Variants in MGMT observed in about 807,000 individuals in gnomAD.
MGMT encodes the protein methylated-DNA--protein-cysteine methyltransferase.
MGMT carries 14 observed loss-of-function variants against 15.9 expected under a neutral mutation model. The observed-to-expected ratio is 0.88, with a 90% CI of 0.58 to 1.37. The LOEUF is 1.37. MGMT is among the 40% of genes most tolerant of loss of function. The pLI, the probability that MGMT is intolerant of heterozygous loss-of-function variation, is 0.00. For synonymous variants in MGMT, 130 were observed against 118.2 expected (o/e 1.10, Z -0.65); for missense variants, 282 against 268.1 (o/e 1.05, Z -0.36).
At chr10:129,522,948 C>T (rs1845829534) in intron 1 of MGMT, among the ~76,000 whole-genome samples, 2 of 152,252 alleles carry the variant, frequency 1.3e-5, no homozygotes, top group Non-Finnish European at 2.9e-5. Context: ...TCTAAGAAGT[C>T]AGTGAAACTT....
intron 2 of MGMT, among the ~76,000 whole-genome samples, chr10:129,570,362 G>A (rs895339341): frequency 1.3e-5 from 2 of 152,276 alleles, no homozygotes; most frequent in African/African-American, 2.4e-5. Context: ...GTCCAGTGAC[G>A]CTGATTGAGG....
At chr10:129,758,787 GT>G (rs1366019364) in intron 3 of MGMT, among the ~76,000 whole-genome samples, 2 of 152,094 alleles carry the variant, frequency 1.3e-5, no homozygotes, top group African/African-American at 4.8e-5. Context: ...TGCCTTCTTT[GT>G]CCCAGTTGAA....
chr10:129,587,954 T>G (rs1399022214), intron 2 of MGMT, among the ~76,000 whole-genome samples: 5 of 152,208 alleles, frequency 3.3e-5, no homozygotes, highest in Non-Finnish European at 5.9e-5. Context: ...GGTTATTTAT[T>G]TAATAAATAT....
intron 2 of MGMT, among the ~76,000 whole-genome samples, chr10:129,565,307 T>C (rs899046447): frequency 2.0e-5 from 3 of 147,496 alleles, no homozygotes; most frequent in African/African-American, 7.5e-5. Flanking sequence ...AAAAAAAAAA[T>C]AGTGAAAGAC....
chr10:129,738,989 G>A (rs549256976), intron 3 of MGMT, among the ~76,000 whole-genome samples: 1 of 152,288 alleles, frequency 6.6e-6, no homozygotes, highest in South Asian at 2.1e-4. Flanking sequence ...GGGATCCAAG[G>A]CTGGTTCAAC....
chr10:129,590,069 A>G (rs979996666), intron 2 of MGMT, among the ~76,000 whole-genome samples: 22 of 152,190 alleles, frequency 1.4e-4, no homozygotes, highest in Non-Finnish European at 7.3e-5. Flanking sequence ...ACAGCATATC[A>G]GGCCATGGGT....
intron 2 of MGMT, among the ~76,000 whole-genome samples, chr10:129,580,851 C>T (rs1016144697): frequency 6.6e-6 from 1 of 152,198 alleles, no homozygotes; most frequent in African/African-American, 2.4e-5. Flanking sequence ...TTGCAAACAT[C>T]GTTTGTTGAG....
chr10:129,493,350 T>C (rs958119636), intron 1 of MGMT, among the ~76,000 whole-genome samples: 2 of 152,162 alleles, frequency 1.3e-5, no homozygotes, highest in Non-Finnish European at 2.9e-5. Flanking sequence ...CTGCTGATGC[T>C]GCCCACTTTC....
chr10:129,488,004 T>TACAC (rs373298935), intron 1 of MGMT, among the ~76,000 whole-genome samples: 3,461 of 121,450 alleles, frequency 0.028, 62 homozygotes, highest in East Asian at 0.042. Context: ...CACATAGGTA[T>TACAC]ACACACACAC....
chr10:129,591,104 G>T (rs1328319594), intron 2 of MGMT, among the ~76,000 whole-genome samples: 1 of 152,178 alleles, frequency 6.6e-6, no homozygotes, highest in Non-Finnish European at 1.5e-5. Flanking sequence ...ATGGCTTCCT[G>T]GGGGCGCAGC....
At chr10:129,760,754 C>T (rs1382076664) in intron 4 of MGMT, among the ~76,000 whole-genome samples, 3 of 152,100 alleles carry the variant, frequency 2.0e-5, no homozygotes, top group African/African-American at 7.3e-5. Context: ...GGCGAGCTTT[C>T]TACCCTATTA....
At chr10:129,638,893 G>A (rs965118427) in intron 2 of MGMT, among the ~76,000 whole-genome samples, 7 of 152,064 alleles carry the variant, frequency 4.6e-5, no homozygotes, top group African/African-American at 1.7e-4. Flanking sequence ...AGCATGTCAG[G>A]AAAATACCCA....
At chr10:129,672,701 T>C (rs1009535253) in intron 2 of MGMT, among the ~76,000 whole-genome samples, 4 of 152,230 alleles carry the variant, frequency 2.6e-5, no homozygotes, top group African/African-American at 9.6e-5. Context: ...TGGTGATTCT[T>C]TCCTGAATTT....
At chr10:129,669,136 A>G (rs1346447738) in intron 2 of MGMT, among the ~76,000 whole-genome samples, 1 of 152,226 alleles carries the variant, frequency 6.6e-6, no homozygotes, top group Non-Finnish European at 1.5e-5. Context: ...ATTTAAAATT[A>G]TAGGACACTA....
intron 2 of MGMT, among the ~76,000 whole-genome samples, chr10:129,596,218 A>T (rs923191981): frequency 6.6e-6 from 1 of 152,298 alleles, no homozygotes; most frequent in East Asian, 1.9e-4. Context: ...GAGTGGTGAC[A>T]TAAATAATGC....
chr10:129,691,792 G>C (rs1303776246), intron 2 of MGMT, among the ~76,000 whole-genome samples: 1 of 152,126 alleles, frequency 6.6e-6, no homozygotes, highest in African/African-American at 2.4e-5. Context: ...CTGTTCCAGG[G>C]GCATCTTCAT....
intron 1 of MGMT, among the ~76,000 whole-genome samples, chr10:129,515,141 G>A (rs141028258): frequency 2.0e-5 from 3 of 149,318 alleles, no homozygotes; most frequent in African/African-American, 7.6e-5. Context: ...TGAGAGACGT[G>A]TGCTGACTGT....
At chr10:129,753,579 C>A (rs1182723958) in intron 3 of MGMT, among the ~76,000 whole-genome samples, 1 of 152,024 alleles carries the variant, frequency 6.6e-6, no homozygotes, top group Non-Finnish European at 1.5e-5. Flanking sequence ...TTCTCGGCAT[C>A]TCCATTCTAC....
chr10:129,724,558 GA>G (rs1848410733), intron 3 of MGMT, among the ~76,000 whole-genome samples: 1 of 152,024 alleles, frequency 6.6e-6, no homozygotes, highest in Non-Finnish European at 1.5e-5. Flanking sequence ...CACCTTAAAG[GA>G]AAAAAGAACC....
Sources: allele counts gnomAD v4.1 joint callset (sites outside exome capture counted in the v4.1 genomes callset), GRCh38; gene constraint gnomAD v4.1.1; transcripts MANE v1.5; gene names NCBI Gene and HGNC (gene_info 2026-07-23, HGNC 2026-07-21).